Variants in ATP13A4 observed in about 807,000 individuals in gnomAD.
The protein encoded by ATP13A4 is probable cation-transporting ATPase 13A4.
A neutral mutation model predicts 142.5 loss-of-function variants in ATP13A4; 114 were observed. That is an observed-to-expected ratio of 0.80 (90% confidence interval 0.69 to 0.93). The LOEUF (loss-of-function observed/expected upper bound fraction) is 0.93, where lower values mean the gene tolerates loss of function less well. Among genes scored for constraint, ATP13A4 ranks in the 40% least tolerant of loss-of-function variants. ATP13A4 has a pLI of 0.00. For synonymous variants in ATP13A4, 488 were observed against 514.8 expected, an observed-to-expected ratio of 0.95 and a Z score of 0.70; for missense variants, 1,392 against 1,454.0, an observed-to-expected ratio of 0.96 and a Z score of 0.69.
intron 18 of ATP13A4, among the ~76,000 whole-genome samples, chr3:193,445,234 A>G (rs1716878537): frequency 6.6e-6 from 1 of 151,790 alleles, no homozygotes; most frequent in Middle Eastern, 3.4e-3. Flanking sequence ...TCAAGAGATC[A>G]AGACAATCCT....
At chr3:193,465,387 C>T (rs1450680480) in intron 11 of ATP13A4, among the ~76,000 whole-genome samples, 1 of 152,152 alleles carries the variant, frequency 6.6e-6, no homozygotes, top group Non-Finnish European at 1.5e-5. Context: ...GGGGTTTTGC[C>T]ATGTTGGCCA....
chr3:193,410,848 A>G (rs1714730484), intron 28 of ATP13A4, 134 bp downstream of exon 28: 1 of 638,296 alleles, frequency 1.6e-6, no homozygotes. Context: ...TAAATTTAGC[A>G]TTTTTTTTAG....
At chr3:193,526,828 G>C (rs527826822) in intron 1 of ATP13A4, among the ~76,000 whole-genome samples, 2 of 152,082 alleles carry the variant, frequency 1.3e-5, no homozygotes, top group East Asian at 3.9e-4. Context: ...AGGGCTCCAG[G>C]GGAACCTCTG....
chr3:193,408,289 T>C (rs1363170232), intron 28 of ATP13A4, among the ~76,000 whole-genome samples: 1 of 152,260 alleles, frequency 6.6e-6, no homozygotes, highest in Non-Finnish European at 1.5e-5. Context: ...AAATGATATA[T>C]GCACAATATT....
intron 2 of ATP13A4, among the ~76,000 whole-genome samples, chr3:193,580,903 T>C (rs1273656658): frequency 6.6e-6 from 1 of 152,230 alleles, no homozygotes; most frequent in African/African-American, 2.4e-5. Context: ...GTTGTGCTGC[T>C]CAAACAATGG....
chr3:193,531,496 T>C (rs931085502), intron 1 of ATP13A4, among the ~76,000 whole-genome samples: 1 of 152,174 alleles, frequency 6.6e-6, no homozygotes. Flanking sequence ...CTGTGTAACG[T>C]TGGTGGTTGA....
chr3:193,486,073 T>C (rs1031242592), intron 7 of ATP13A4, among the ~76,000 whole-genome samples: 4 of 149,774 alleles, frequency 2.7e-5, no homozygotes, highest in Admixed American at 6.6e-5. Flanking sequence ...ATAAATATGT[T>C]ATTATTATTT....
intron 5 of ATP13A4, 113 bp from the exon 6 acceptor site, chr3:193,491,511 C>T: frequency 1.2e-6 from 1 of 804,522 alleles, no homozygotes; most frequent in Non-Finnish European, 2.1e-6. Flanking sequence ...GTGAGACCAA[C>T]ATAAGTCTCC....
intron 8 of ATP13A4, among the ~76,000 whole-genome samples, chr3:193,471,337 A>C (rs1325445172): frequency 6.6e-6 from 1 of 152,130 alleles, no homozygotes; most frequent in African/African-American, 2.4e-5. Flanking sequence ...CCAATGCGGG[A>C]GAATCACTTG....
At chr3:193,589,361 G>A (rs926739769) in intron 1 of ATP13A4, among the ~76,000 whole-genome samples, 9 of 152,140 alleles carry the variant, frequency 5.9e-5, no homozygotes, top group Middle Eastern at 3.4e-3. Flanking sequence ...GCTAATTATT[G>A]GCTTCTCCAG....
chr3:193,536,524 C>T (rs1722600365), intron 1 of ATP13A4, among the ~76,000 whole-genome samples: 1 of 151,918 alleles, frequency 6.6e-6, no homozygotes, highest in South Asian at 2.1e-4. Context: ...ATTTTTAAAA[C>T]CTTACAGTAA....
chr3:193,495,713 C>T lies in ATP13A4; in HGVS notation c.382-2553G>A, dbSNP rs373209886. Reference sequence around the variant, plus strand: ...TTCATCATTTTTATTCAACATACTACGGGAAGTCCTAGCCAGAGCAATTAG... The same window carrying T: ...TTCATCATTTTTATTCAACATACTATGGGAAGTCCTAGCCAGAGCAATTAG... On this transcript the variant is annotated intron_variant, in intron 3 of 29. Transcript: ENST00000342695. Among the ~76,000 whole-genome samples, 34 of 152,114 alleles carry T rather than the reference C, an allele frequency of 2.2e-4. No homozygotes were observed. The South Asian group carries it at 4.2e-3, about 19-fold the overall frequency.
chr3:193,465,814 T>C (rs963773523), intron 11 of ATP13A4, among the ~76,000 whole-genome samples: 22 of 152,338 alleles, frequency 1.4e-4, no homozygotes, highest in African/African-American at 5.3e-4. Context: ...AAACAGATTG[T>C]TTTATCCCAT....
chr3:193,504,034 AG>A (rs1560238880), intron 2 of ATP13A4, among the ~76,000 whole-genome samples: 12 of 129,278 alleles, frequency 9.3e-5, no homozygotes, highest in Non-Finnish European at 1.6e-4. Flanking sequence ...AGAGAGAGAG[AG>A]AGAGAGAAAG....
At chr3:193,578,086 G>A (rs1724445630) in intron 2 of ATP13A4, among the ~76,000 whole-genome samples, 1 of 152,102 alleles carries the variant, frequency 6.6e-6, no homozygotes, top group African/African-American at 2.4e-5. Context: ...TTGAGGTCAG[G>A]AGTTCAAGAC....
At chr3:193,578,201 G>A (rs554282801) in intron 2 of ATP13A4, among the ~76,000 whole-genome samples, 2 of 152,194 alleles carry the variant, frequency 1.3e-5, no homozygotes, top group South Asian at 2.1e-4. Context: ...GCTGAGGCAG[G>A]AGCATTACTT....
At chr3:193,436,607 C>A (rs1716282789) in intron 23 of ATP13A4, among the ~76,000 whole-genome samples, 2 of 151,906 alleles carry the variant, frequency 1.3e-5, no homozygotes, top group African/African-American at 4.8e-5. Flanking sequence ...TCCACCAGGT[C>A]TAGCTAATTT....
intron 2 of ATP13A4, among the ~76,000 whole-genome samples, chr3:193,571,881 C>T (rs911635750): frequency 2.6e-4 from 39 of 152,106 alleles, no homozygotes; most frequent in African/African-American, 7.7e-4. Flanking sequence ...ATAAAAAGGA[C>T]GTTAGGTAAA....
rs1724586857 is a variant in ATP13A4, at chr3:193,582,719, TTACATATATAAAATATATATGTATA to T, written n.92-838_92-814del. ...ATAACATATATAATATATATGTATA[TTACATATATAAAATATATATGTATA>T]ATACATATATAAAATATATATGTAT... On this transcript the variant is annotated intron_variant and non_coding_transcript_variant, in intron 1 of 3. Coordinates refer to the ATP13A4 transcript ENST00000489140. Among the ~76,000 whole-genome samples, 2 of 45,992 alleles carry T rather than the reference TTACATATATAAAATATATATGTATA, an allele frequency of 4.3e-5. 1 individual carries two copies. Among genetic ancestry groups the T allele is most frequent in the Non-Finnish European group, 7.6e-5 (2 of 26,330 alleles). 30.2% of individuals were successfully genotyped at this position (45,992 alleles called of 152,430 possible).
Sources: allele counts gnomAD v4.1 joint callset (sites outside exome capture counted in the v4.1 genomes callset), GRCh38; gene constraint gnomAD v4.1.1; transcripts MANE v1.5; gene names NCBI Gene and HGNC (gene_info 2026-07-23, HGNC 2026-07-21).